GFRA2: variants seen among roughly 807,000 people sequenced by gnomAD.
GFRA2 encodes the protein GDNF family receptor alpha-2.
Under a neutral mutation model 48.3 loss-of-function variants are expected in GFRA2, and 17 were observed. The ratio of observed to expected loss-of-function variants is 0.35; its 90% CI spans 0.24 to 0.53. The LOEUF is 0.53. Ranked by LOEUF, GFRA2 falls within the 20% of genes least tolerant of loss-of-function variation. GFRA2 has a pLI of 0.93. For missense variants in GFRA2, 660 were observed against 637.3 expected (o/e 1.04, Z -0.38); for synonymous variants, 305 against 257.2 (o/e 1.19, Z -1.78).
chr8:21,709,435 CCTCCACAGCTG>C (rs1191802442), intron 4 of GFRA2, among the ~76,000 whole-genome samples: 9 of 152,258 alleles, frequency 5.9e-5, no homozygotes, highest in Admixed American at 5.9e-4. Flanking sequence ...TCATCCATAT[CCTCCACAGCTG>C]CTCCTCTGGG....
At position 21,764,530 on chromosome 8, in the gene GFRA2, G is replaced by A. The variant is rs142769880; in HGVS notation, c.439+10442C>T. 6.9e-3 allele frequency among the ~76,000 whole-genome samples: 1,051 copies of A among 152,296 alleles called. 58 individuals carry two copies. In the East Asian group the frequency reaches 0.14, roughly 20 times the overall value. On this transcript the variant is annotated intron_variant, in intron 3 of 8. Coordinates refer to ENST00000524240, the MANE Select transcript of GFRA2 (RefSeq NM_001495.5). ...AATAGATTTGGACAGAAATGCCCTC[G>A]CCTTGTCACCCACCAGTGACCAGTC...
At chr8:21,784,733 C>T (rs1169919393) in intron 1 of GFRA2, among the ~76,000 whole-genome samples, 1 of 152,220 alleles carries the variant, frequency 6.6e-6, no homozygotes, top group African/African-American at 2.4e-5. Context: ...ACCTCTGCCA[C>T]AGAACAGGAA....
chr8:21,788,075 CGGCTTCT>C, intron 1 of GFRA2, 38 bp downstream of exon 1: 1 of 1,173,568 alleles, frequency 8.5e-7, no homozygotes, highest in South Asian at 1.4e-5. Flanking sequence ...CCCGCCTCCC[CGGCTTCT>C]CGCCTCCCCC....
intron 3 of GFRA2, among the ~76,000 whole-genome samples, chr8:21,756,915 G>C (rs1805598552): frequency 6.6e-6 from 1 of 152,154 alleles, no homozygotes; most frequent in African/African-American, 2.4e-5. Context: ...CGCCAGCCCT[G>C]GTGGGTCTCC....
At chr8:21,747,104 T>C (rs540176607) in intron 4 of GFRA2, among the ~76,000 whole-genome samples, 1 of 152,344 alleles carries the variant, frequency 6.6e-6, no homozygotes, top group East Asian at 1.9e-4. Flanking sequence ...GCTTGGGTCC[T>C]GGGCTTGGAT....
intron 4 of GFRA2, among the ~76,000 whole-genome samples, chr8:21,725,489 T>C (rs928685002): frequency 2.0e-5 from 3 of 152,268 alleles, no homozygotes; most frequent in Admixed American, 1.3e-4. Context: ...CCTGTATTTT[T>C]ATGCTGTTTG....
intron 7 of GFRA2, among the ~76,000 whole-genome samples, chr8:21,695,700 C>G (rs1055176429): frequency 2.0e-5 from 3 of 152,164 alleles, no homozygotes; most frequent in Non-Finnish European, 4.4e-5. Flanking sequence ...ACTCCACTCC[C>G]CAGGACTTGG....
At chr8:21,732,853 C>G (rs990133123) in intron 4 of GFRA2, among the ~76,000 whole-genome samples, 3 of 152,212 alleles carry the variant, frequency 2.0e-5, no homozygotes, top group African/African-American at 7.2e-5. Context: ...CTACAAAGAG[C>G]TGAGGAATGG....
chr8:21,730,573 C>T (rs1202674615), intron 4 of GFRA2, among the ~76,000 whole-genome samples: 1 of 152,164 alleles, frequency 6.6e-6, no homozygotes, highest in Non-Finnish European at 1.5e-5. Flanking sequence ...CCTAATTTTC[C>T]CAGTGGCTCC....
At chr8:21,791,194 T>C (rs1807567412), upstream of GFRA2, among the ~76,000 whole-genome samples, 3 of 152,100 alleles carry the variant, frequency 2.0e-5, no homozygotes, top group African/African-American at 7.2e-5. Flanking sequence ...AGTTCTCCCC[T>C]CCCACCTATC....
intron 2 of GFRA2, among the ~76,000 whole-genome samples, chr8:21,777,845 C>A (rs948058486): frequency 8.5e-5 from 13 of 152,318 alleles, no homozygotes; most frequent in Admixed American, 3.9e-4. Context: ...CCATCTCACC[C>A]ATCTATGCCT....
intron 7 of GFRA2, among the ~76,000 whole-genome samples, chr8:21,696,324 T>C (rs1245612701): frequency 6.6e-6 from 1 of 151,104 alleles, no homozygotes; most frequent in Non-Finnish European, 1.5e-5. Context: ...AACAGCTCCA[T>C]TTTTATTTGT....
At chr8:21,756,427 C>A (rs1247467870) in intron 3 of GFRA2, among the ~76,000 whole-genome samples, 1 of 152,172 alleles carries the variant, frequency 6.6e-6, no homozygotes, top group Non-Finnish European at 1.5e-5. Flanking sequence ...CGGGCCTGGG[C>A]TCTGAGGCTC....
chr8:21,735,807 C>T (rs867454291), intron 4 of GFRA2, among the ~76,000 whole-genome samples: 10 of 151,418 alleles, frequency 6.6e-5, no homozygotes, highest in African/African-American at 1.5e-4. Flanking sequence ...GCCGGGACTA[C>T]GGGCCCATGC....
chr8:21,722,559 T>A lies in GFRA2; in HGVS notation c.795-16518A>T, dbSNP rs1446943679. Among the ~76,000 whole-genome samples the A allele has an allele frequency of 2.0e-5, 3 of 152,146 alleles. No individual in the cohort carries two copies. In the East Asian group the frequency reaches 5.8e-4, roughly 29 times the overall value. On this transcript the variant is annotated intron_variant, in intron 4 of 8. Coordinates refer to ENST00000524240, the MANE Select transcript of GFRA2 (RefSeq NM_001495.5). ...AAGGTCAGGTGCACAGAATACAGCA[T>A]CCAGGGAGGAGAGAACATGGGCCCT... is the stretch of plus-strand genomic sequence containing the variant.
rs1585260752 is a variant in GFRA2, at chr8:21,727,116, C to G, written c.795-21075G>C. On this transcript the variant is annotated intron_variant, in intron 4 of 8. Coordinates refer to ENST00000524240, the MANE Select transcript of GFRA2 (RefSeq NM_001495.5). ...CCGGGTGGACATAAATGTTGGGAGACATTATTCAACCCACTACACTCATCA... is the reference window on the plus strand; with the variant it reads ...CCGGGTGGACATAAATGTTGGGAGAGATTATTCAACCCACTACACTCATCA... Among the ~76,000 whole-genome samples the G allele has an allele frequency of 3.3e-5, 5 of 152,278 alleles. 1 individual carries two copies. The highest frequency in any genetic ancestry group is 1.2e-4 in the African/African-American group (5 of 41,558).
At chr8:21,773,561 A>T (rs1448516658) in intron 3 of GFRA2, among the ~76,000 whole-genome samples, 1 of 152,270 alleles carries the variant, frequency 6.6e-6, no homozygotes, top group East Asian at 1.9e-4. Flanking sequence ...GGACAAAAAG[A>T]GAAAGAAAAA....
intron 2 of GFRA2, 119 bp from the exon 3 acceptor site, chr8:21,775,174 A>G (rs1806634866): frequency 1.5e-6 from 1 of 666,344 alleles, no homozygotes. Flanking sequence ...CCCAAAGGAT[A>G]AGAGACAGGG....
upstream of GFRA2, among the ~76,000 whole-genome samples, chr8:21,790,271 C>G (rs1807531320): frequency 6.6e-6 from 1 of 152,218 alleles, no homozygotes; most frequent in African/African-American, 2.4e-5. Flanking sequence ...TCCTCGCACT[C>G]AGCTCGGCGC....
Sources: allele counts gnomAD v4.1 joint callset (sites outside exome capture counted in the v4.1 genomes callset), GRCh38; gene constraint gnomAD v4.1.1; transcripts MANE v1.5; gene names NCBI Gene and HGNC (gene_info 2026-07-23, HGNC 2026-07-21).